Variants in DOK6 observed in about 807,000 individuals in gnomAD.
DOK6 encodes the protein docking protein 6.
Under a neutral mutation model 44.0 loss-of-function variants are expected in DOK6, and 22 were observed. That is an observed-to-expected ratio of 0.50 (90% confidence interval 0.36 to 0.71). The LOEUF is 0.71. Among genes scored for constraint, DOK6 ranks in the 30% least tolerant of loss-of-function variants. DOK6 has a pLI of 0.00. For synonymous variants in DOK6, 166 were observed against 145.5 expected (o/e 1.14, Z -1.01); for missense variants, 340 against 416.4 (o/e 0.82, Z 1.60).
intron 1 of DOK6, among the ~76,000 whole-genome samples, chr18:69,525,052 A>G (rs995979502): frequency 2.0e-5 from 3 of 151,992 alleles, no homozygotes; most frequent in East Asian, 3.9e-4. Context: ...ATTTAATCCA[A>G]TCAATATTAT....
chr18:69,578,965 T>C (rs1215220346), intron 2 of DOK6, among the ~76,000 whole-genome samples: 1 of 152,204 alleles, frequency 6.6e-6, no homozygotes, highest in Non-Finnish European at 1.5e-5. Flanking sequence ...TTTTAAGCTC[T>C]TTATTTACTT....
In DOK6 at chr18:69,583,362, A is replaced by G. The variant is rs138832093; in HGVS notation, c.175-16022A>G. 1.2e-4 allele frequency among the ~76,000 whole-genome samples: 19 copies of G among 152,204 alleles called. No individual in the cohort carries two copies. The East Asian group carries it at 3.7e-3, about 29-fold the overall frequency. ...TATTAATCCAGGAATTAATTGCCTG[A>G]TATCATCTGTTTTGTTTTTTTACTG... On this transcript the variant is annotated intron_variant, in intron 2 of 7. Coordinates refer to ENST00000382713, the MANE Select transcript of DOK6 (RefSeq NM_152721.6).
intron 1 of DOK6, among the ~76,000 whole-genome samples, chr18:69,474,210 G>A (rs903237777): frequency 2.6e-5 from 4 of 151,786 alleles, no homozygotes; most frequent in Non-Finnish European, 5.9e-5. Flanking sequence ...CTCTCTCTCT[G>A]GTTTTTGCTC....
At chr18:69,809,785 A>G (rs1429050709) in intron 7 of DOK6, among the ~76,000 whole-genome samples, 1 of 151,882 alleles carries the variant, frequency 6.6e-6, no homozygotes, top group African/African-American at 2.4e-5. Context: ...AAGGAGGTGA[A>G]AGACCTGTAC....
At chr18:69,413,032 C>G (rs370373958) in intron 1 of DOK6, among the ~76,000 whole-genome samples, 1 of 152,218 alleles carries the variant, frequency 6.6e-6, no homozygotes, top group South Asian at 2.1e-4. Context: ...TGAATACACA[C>G]ATTAAGCCAC....
intron 1 of DOK6, among the ~76,000 whole-genome samples, chr18:69,437,591 A>G (rs1979018370): frequency 6.6e-6 from 1 of 152,154 alleles, no homozygotes; most frequent in South Asian, 2.1e-4. Flanking sequence ...TATAGTTTGA[A>G]GTCAGGTAGT....
At position 69,591,980 on chromosome 18, in the gene DOK6, T is replaced by A. The variant is rs528659819; in HGVS notation, c.175-7404T>A. 3.9e-5 allele frequency among the ~76,000 whole-genome samples: 6 copies of A among 152,210 alleles called. No homozygotes were observed. In the South Asian group the frequency reaches 6.2e-4, roughly 16 times the overall value. On this transcript the variant is annotated intron_variant, in intron 2 of 7. Transcript: ENST00000382713. ...ATATGAGTATTAAGCTGTGTTGTAT[T>A]AAGCCAGGTATTTGAGTTTTGGAAA... is the stretch of plus-strand genomic sequence containing the variant.
At chr18:69,756,401 T>C (rs1979356183) in intron 6 of DOK6, among the ~76,000 whole-genome samples, 1 of 152,082 alleles carries the variant, frequency 6.6e-6, no homozygotes, top group African/African-American at 2.4e-5. Context: ...AAAGAATGGC[T>C]GCAAAGTTAC....
At chr18:69,732,756 CTCTT>C (rs1164780111) in intron 5 of DOK6, among the ~76,000 whole-genome samples, 7 of 152,140 alleles carry the variant, frequency 4.6e-5, no homozygotes, top group African/African-American at 1.7e-4. Flanking sequence ...TTTATGTTCA[CTCTT>C]TCATTTAAAA....
rs74642801 is a variant in DOK6, at chr18:69,625,245, A to C, written c.289+25747A>C. Among the ~76,000 whole-genome samples, 443 of 152,234 alleles carry C rather than the reference A, an allele frequency of 2.9e-3. 11 individuals carry two copies. The highest frequency in any genetic ancestry group is 0.022 in the Admixed American group (331 of 15,286). Reference sequence around the variant, plus strand: ...AAATTCATTTAAGGTGATAAGTTGGAGTTGTTTTATTACATTTTCATGAGT... The same window carrying C: ...AAATTCATTTAAGGTGATAAGTTGGCGTTGTTTTATTACATTTTCATGAGT... On this transcript the variant is annotated intron_variant, in intron 3 of 7. Transcript: ENST00000382713.
chr18:69,528,162 C>CCA lies in DOK6; in HGVS notation c.67-36325_67-36324insCA, dbSNP rs1555710308. Among the ~76,000 whole-genome samples, 174 of 70,550 alleles carry CCA rather than the reference C, an allele frequency of 2.5e-3. 13 individuals are homozygous for CCA. The highest frequency in any genetic ancestry group is 4.0e-3 in the South Asian group (9 of 2,272). 46.3% of individuals were successfully genotyped at this position (70,550 alleles called of 152,430 possible). A position where few individuals can be genotyped will look rare whatever the true frequency, so the allele number is the denominator to read the frequency against. On this transcript the variant is annotated intron_variant, in intron 1 of 7. Coordinates refer to ENST00000382713, the MANE Select transcript of DOK6 (RefSeq NM_152721.6). ...TGGGTGACAGAGCGAGACTCTGTCTCAAAAAAAAAAAAAAAAAAGCTTCAC... is the reference window on the plus strand; with the variant it reads ...TGGGTGACAGAGCGAGACTCTGTCTCCAAAAAAAAAAAAAAAAAAAGCTTCAC...
chr18:69,828,953 T>C (rs1250078185), intron 7 of DOK6, among the ~76,000 whole-genome samples: 1 of 134,126 alleles, frequency 7.5e-6, no homozygotes, highest in East Asian at 2.3e-4. Flanking sequence ...ATAAAAGCCT[T>C]TATAAATTAA....
At position 69,435,029 on chromosome 18, in the gene DOK6, A is replaced by G. The variant is rs1459169067; in HGVS notation, c.66+33719A>G. Among the ~76,000 whole-genome samples, 135 of 44,076 alleles carry G rather than the reference A, an allele frequency of 3.1e-3. 5 individuals are homozygous for G. Among genetic ancestry groups the G allele is most frequent in the Middle Eastern group, 0.01 (1 of 96 alleles). 28.9% of individuals were successfully genotyped at this position (44,076 alleles called of 152,430 possible). A position where few individuals can be genotyped will look rare whatever the true frequency, so the allele number is the denominator to read the frequency against. On this transcript the variant is annotated intron_variant, in intron 1 of 7. Transcript: ENST00000382713. The stretch of plus-strand genomic sequence containing the variant: ...AAAGATTAGTGTAGGGAGGGAGGGA[A>G]GGAAGGAAGGAAGGAAGGAAGGAAG...
At chr18:69,535,383 G>A (rs997842671) in intron 1 of DOK6, among the ~76,000 whole-genome samples, 4 of 151,576 alleles carry the variant, frequency 2.6e-5, no homozygotes, top group South Asian at 2.1e-4. Context: ...TTCATGTTAC[G>A]GTTGACTAAC....
intron 5 of DOK6, among the ~76,000 whole-genome samples, chr18:69,723,781 A>AG (rs1180996961): frequency 6.6e-6 from 1 of 152,164 alleles, no homozygotes; most frequent in East Asian, 1.9e-4. Context: ...AAGGTGTGAA[A>AG]GGCAAGCAGT....
intron 5 of DOK6, among the ~76,000 whole-genome samples, chr18:69,733,926 T>C (rs1314354055): frequency 2.0e-5 from 3 of 152,118 alleles, no homozygotes; most frequent in Admixed American, 2.0e-4. Context: ...TCTTTTTGTT[T>C]TTGTCTTATG....
At position 69,546,076 on chromosome 18, in the gene DOK6, G is replaced by A. The variant is rs928730781; in HGVS notation, c.67-18411G>A. Among the ~76,000 whole-genome samples, 16 of 151,290 alleles carry A rather than the reference G, an allele frequency of 1.1e-4. 2 individuals are homozygous for A. The East Asian group carries it at 1.9e-3, about 18-fold the overall frequency. ...GCGGATCACTTAAGGTTGGGAGTTC[G>A]AGACCAGGCTAGCCAACATCGAGAA... On this transcript the variant is annotated intron_variant, in intron 1 of 7. Transcript: ENST00000382713.
chr18:69,701,170 G>A (rs1228238415), intron 5 of DOK6, among the ~76,000 whole-genome samples: 2 of 152,154 alleles, frequency 1.3e-5, no homozygotes, highest in Non-Finnish European at 2.9e-5. Flanking sequence ...AGTCACCCTT[G>A]TAATTATAAT....
intron 1 of DOK6, among the ~76,000 whole-genome samples, chr18:69,404,668 C>CA (rs1278076512): frequency 6.6e-6 from 1 of 152,034 alleles, no homozygotes; most frequent in Non-Finnish European, 1.5e-5. Context: ...TATTCACAGA[C>CA]ACATTGTATG....
Sources: gnomAD v4.1 joint callset for allele counts (sites outside exome capture counted in the v4.1 genomes callset) on GRCh38, gnomAD v4.1.1 for gene constraint, MANE v1.5 for transcripts, NCBI Gene and HGNC (gene_info 2026-07-23, HGNC 2026-07-21) for gene names.